LRIG1: variants seen among roughly 807,000 people sequenced by gnomAD.
LRIG1 encodes leucine-rich repeats and immunoglobulin-like domains protein 1.
LRIG1 carries 48 observed loss-of-function variants against 99.2 expected under a neutral mutation model. That is an observed-to-expected ratio of 0.48 (90% CI 0.38 to 0.62). LRIG1 has a LOEUF of 0.62. LRIG1 is among the 20% of genes least tolerant of loss of function. LRIG1 has a pLI of 0.00. For missense variants in LRIG1, 1,646 were observed against 1,434.4 expected (o/e 1.15, Z -2.38); for synonymous variants, 772 against 596.1 (o/e 1.29, Z -4.30).
intron 1 of LRIG1, among the ~76,000 whole-genome samples, chr3:66,484,804 C>T (rs1358393371): frequency 2.0e-5 from 3 of 152,196 alleles, no homozygotes; most frequent in Non-Finnish European, 4.4e-5. Flanking sequence ...CTCTCTCCTC[C>T]CTCTAAAGTC....
intron 7 of LRIG1, 25 bp from the exon 8 acceptor site, chr3:66,407,516 T>C: frequency 6.2e-7 from 1 of 1,612,838 alleles, no homozygotes; most frequent in Non-Finnish European, 8.5e-7. Flanking sequence ...GGCAGCAATG[T>C]CACCATCTAG....
At position 66,497,704 on chromosome 3, in the gene LRIG1, C is replaced by CAAAAA. The variant is rs71616223; in HGVS notation, c.218+2481_218+2485dup. ...ACTTCCACATCAGACGCACTGTTTA[C>CAAAAA]AAAAAAAAAAAAAAAAAAAAAAAAG... On this transcript the variant is annotated intron_variant, in intron 1 of 18. Transcript: ENST00000273261. 8.1e-3 allele frequency among the ~76,000 whole-genome samples: 718 copies of CAAAAA among 89,164 alleles called. 22 individuals are homozygous for CAAAAA. The highest frequency in any genetic ancestry group is 0.032 in the African/African-American group (662 of 20,984). 58.5% of individuals were successfully genotyped at this position (89,164 alleles called of 152,430 possible). A position where few individuals can be genotyped will look rare whatever the true frequency, so the allele number is the denominator to read the frequency against.
chr3:66,382,718 G>A (rs928455990), intron 15 of LRIG1, among the ~76,000 whole-genome samples: 25 of 152,228 alleles, frequency 1.6e-4, no homozygotes, highest in South Asian at 2.1e-4. Context: ...GTGCATAGGC[G>A]GCCTCTGAGT....
At chr3:66,439,064 C>T (rs1703456992) in intron 3 of LRIG1, among the ~76,000 whole-genome samples, 1 of 152,200 alleles carries the variant, frequency 6.6e-6, no homozygotes, top group South Asian at 2.1e-4. Context: ...CTCGTTAACA[C>T]ACACTAGAGG....
At chr3:66,494,182 C>T (rs1038614711) in intron 1 of LRIG1, among the ~76,000 whole-genome samples, 4 of 152,212 alleles carry the variant, frequency 2.6e-5, no homozygotes, top group Non-Finnish European at 5.9e-5. Context: ...CATCATCTAA[C>T]TTTGTCCTCA....
At chr3:66,441,756 A>G (rs1438769957) in intron 3 of LRIG1, among the ~76,000 whole-genome samples, 2 of 152,188 alleles carry the variant, frequency 1.3e-5, no homozygotes, top group Non-Finnish European at 2.9e-5. Context: ...TAAAATGACA[A>G]GACCCTTCTA....
rs1016820954 is a variant in LRIG1, at chr3:66,434,280, A to G, written c.366-17014T>C. 3.9e-5 allele frequency among the ~76,000 whole-genome samples: 6 copies of G among 152,308 alleles called. 1 individual carries two copies. Among genetic ancestry groups the G allele is most frequent in the Non-Finnish European group, 7.4e-5 (5 of 68,024 alleles). ...AACAACAACAAAAAACAACCAAAAA[A>G]TCCAATTAGAAAATGGGCAAAAGGC... On this transcript the variant is annotated intron_variant, in intron 3 of 18. Coordinates refer to ENST00000273261, the MANE Select transcript of LRIG1 (RefSeq NM_015541.3).
chr3:66,481,534 C>T (rs1237272535), intron 1 of LRIG1, among the ~76,000 whole-genome samples: 1 of 152,170 alleles, frequency 6.6e-6, no homozygotes, highest in Non-Finnish European at 1.5e-5. Context: ...CACACACACA[C>T]ACACACGTGT....
chr3:66,391,645 T>C (rs539205647), intron 12 of LRIG1, among the ~76,000 whole-genome samples: 1 of 152,320 alleles, frequency 6.6e-6, no homozygotes, highest in East Asian at 1.9e-4. Context: ...ACTAATGGTA[T>C]GGGGATCCTT....
chr3:66,413,086 C>T, intron 5 of LRIG1, 72 bp from the exon 6 acceptor site: 2 of 1,566,852 alleles, frequency 1.3e-6, no homozygotes, highest in South Asian at 1.1e-5. Context: ...CTGAAGCAGT[C>T]CTGGCTAAGT....
intron 1 of LRIG1, among the ~76,000 whole-genome samples, chr3:66,466,212 T>A (rs190783411): frequency 6.6e-6 from 1 of 152,230 alleles, no homozygotes; most frequent in East Asian, 1.9e-4. Context: ...TTTTACTTTT[T>A]TAGTAGACAT....
Position 66,446,565 on chromosome 3 carries a change from C to T in LRIG1, c.365+4994G>A, listed in dbSNP as rs1025669554. Among the ~76,000 whole-genome samples, 50 of 151,988 alleles carry T rather than the reference C, an allele frequency of 3.3e-4. 3 individuals are homozygous for T. The highest frequency in any genetic ancestry group is 1.0e-4 in the Non-Finnish European group (7 of 67,986). ...GGATTACCTGCACCTCCCACCACTC[C>T]TGGCTGATTTTTGTATTTTTAGTAG... On this transcript the variant is annotated intron_variant, in intron 3 of 18. Transcript: ENST00000273261.
At position 66,383,160 on chromosome 3, in the gene LRIG1, C is replaced by A; in HGVS notation, c.2313G>T (p.Thr771=). Residue 771 remains threonine (T), a synonymous_variant, in exon 15 of 19, where the codon ACG becomes ACT. Transcript: ENST00000273261. ...YTCEMSNTLG[T]ERAHSQLSVL... is the part of the protein sequence containing the mutation. ...CGCTCAGCTGGCTGTGAGCTCGCTC[C>A]GTGCCCAGGGTGTTGGACATCTCAC... 1 of 1,614,240 alleles carries A rather than the reference C, an allele frequency of 6.2e-7. No individual in the cohort carries two copies.
At chr3:66,399,098 G>A (rs1042007497) in intron 9 of LRIG1, 57 bp from the exon 10 acceptor site, 5 of 1,376,006 alleles carry the variant, frequency 3.6e-6, no homozygotes, top group Middle Eastern at 1.8e-4. Context: ...AAACAGGAAG[G>A]GTTGAGAGAA....
chr3:66,443,493 C>T (rs931166102), intron 3 of LRIG1, among the ~76,000 whole-genome samples: 8 of 152,224 alleles, frequency 5.3e-5, no homozygotes, highest in Non-Finnish European at 7.3e-5. Context: ...ACACCTGTAA[C>T]TTACACCTCT....
chr3:66,428,485 A>G (rs569689804), intron 3 of LRIG1, among the ~76,000 whole-genome samples: 3 of 152,358 alleles, frequency 2.0e-5, no homozygotes, highest in African/African-American at 7.2e-5. Flanking sequence ...ACAAAAAAAA[A>G]AGAATAATTC....
At chr3:66,465,403 G>A (rs1341186707) in intron 1 of LRIG1, among the ~76,000 whole-genome samples, 2 of 117,174 alleles carry the variant, frequency 1.7e-5, no homozygotes, top group African/African-American at 3.3e-5. Context: ...TTGCTCTGTC[G>A]CCCAGGCTGG....
At chr3:66,489,756 A>G (rs1051771757) in intron 1 of LRIG1, among the ~76,000 whole-genome samples, 3 of 152,216 alleles carry the variant, frequency 2.0e-5, no homozygotes, top group African/African-American at 7.2e-5. Flanking sequence ...TATGCTGCCA[A>G]TCAGTGGCAG....
At chr3:66,410,673 A>C (rs1308860678) in intron 6 of LRIG1, among the ~76,000 whole-genome samples, 2 of 152,184 alleles carry the variant, frequency 1.3e-5, no homozygotes, top group East Asian at 3.9e-4. Flanking sequence ...CCCCATCTCT[A>C]CCAAAAACAA....
Sources: gnomAD v4.1 joint callset for allele counts (sites outside exome capture counted in the v4.1 genomes callset) on GRCh38, gnomAD v4.1.1 for gene constraint, MANE v1.5 for transcripts, NCBI Gene and HGNC (gene_info 2026-07-23, HGNC 2026-07-21) for gene names.